The following TRPM8 variants were observed in gnomAD, a reference collection of about 807,000 sequenced individuals.
TRPM8 encodes transient receptor potential cation channel subfamily M member 8.
Under a neutral mutation model 133.7 loss-of-function variants are expected in TRPM8, and 110 were observed. The ratio of observed to expected loss-of-function variants is 0.82; its 90% CI spans 0.70 to 0.96. The LOEUF is 0.96. Among genes scored for constraint, TRPM8 ranks in the 40% least tolerant of loss-of-function variants. The probability of loss-of-function intolerance (pLI) is 0.00; values close to 1 mark genes in which losing one functional copy is unlikely to be tolerated. For missense variants in TRPM8, 1,291 were observed against 1,379.5 expected, an observed-to-expected ratio of 0.94 and a Z score of 1.02; for synonymous variants, 535 against 532.3, an observed-to-expected ratio of 1.01 and a Z score of -0.07.
At chr2:234,001,756 T>C (rs1692569588) in intron 22 of TRPM8, among the ~76,000 whole-genome samples, 1 of 152,182 alleles carries the variant, frequency 6.6e-6, no homozygotes. Context: ...GCTGCAGCCA[T>C]GAACAAAGGC....
intron 3 of TRPM8, among the ~76,000 whole-genome samples, chr2:233,936,891 CTTTTTTTTTTTT>C (rs5839499): frequency 0.13 from 12,839 of 101,662 alleles, 845 homozygotes; most frequent in Admixed American, 0.27. Flanking sequence ...TCTTTCTTTC[CTTTTTTTTTTTT>C]TTTTTTTTTT....
rs761773562 is a variant in TRPM8, at chr2:234,014,636, A to T, written c.*24A>T. 1.9e-5 allele frequency: 26 copies of T among 1,377,124 alleles called. No individual in the cohort carries two copies. In the East Asian group the frequency reaches 6.2e-4, roughly 33 times the overall value. 85.3% of individuals were successfully genotyped at this position (1,377,124 alleles called of 1,614,324 possible). A position where few individuals can be genotyped will look rare whatever the true frequency, so the allele number is the denominator to read the frequency against. ...AAAACTGTATGAACTCTAATGGAGA[A>T]AAATCTAATTATAGCAAGGTGAGTC... On this transcript the variant is annotated 3_prime_UTR_variant, in exon 25 of 26. Coordinates refer to ENST00000324695, the MANE Select transcript of TRPM8 (RefSeq NM_024080.5).
rs763038375 is a variant in TRPM8 at position 233,985,664 on chromosome 2, G to A, written c.2762-24G>A. ...CACCCCTCCAGAGGGTCCTCACTTT[G>A]CCTGTTGGTTTCTACATCCTCAGGT... On this transcript the variant is annotated intron_variant, in intron 20 of 25. Transcript: ENST00000324695. 6.8e-6 allele frequency: 11 copies of A among 1,609,496 alleles called. No homozygotes were observed. In the South Asian group the frequency reaches 1.1e-4, roughly 16 times the overall value.
intron 22 of TRPM8, among the ~76,000 whole-genome samples, chr2:233,998,518 C>T (rs546433851): frequency 6.6e-5 from 10 of 151,924 alleles, no homozygotes; most frequent in African/African-American, 9.7e-5. Flanking sequence ...CAGCAGCCTG[C>T]GCCCAACCAG....
chr2:234,015,231 T>G (rs1479601894), intron 25 of TRPM8, among the ~76,000 whole-genome samples: 1 of 152,198 alleles, frequency 6.6e-6, no homozygotes, highest in Non-Finnish European at 1.5e-5. Context: ...TGCTCCATGG[T>G]CTTACTGTTT....
chr2:233,945,540 G>A (rs927106211), intron 6 of TRPM8, among the ~76,000 whole-genome samples: 1 of 152,096 alleles, frequency 6.6e-6, no homozygotes, highest in Non-Finnish European at 1.5e-5. Context: ...TGCTGAATTT[G>A]AATTTCGTTG....
intron 24 of TRPM8, chr2:234,013,829 G>T (rs10490019): frequency 6.6e-6 from 1 of 151,964 alleles, no homozygotes; most frequent in Non-Finnish European, 1.5e-5. Flanking sequence ...TTAGGAAGCC[G>T]TTAGCACTTA....
chr2:233,965,487 A>G (rs556330232), intron 14 of TRPM8, among the ~76,000 whole-genome samples: 2 of 152,304 alleles, frequency 1.3e-5, no homozygotes, highest in East Asian at 1.9e-4. Context: ...ATCATTCAGG[A>G]AGGTGAGAAA....
chr2:233,947,420 A>T (rs772355037), intron 8 of TRPM8: 5 of 1,467,734 alleles, frequency 3.4e-6, no homozygotes, highest in South Asian at 1.2e-5. Flanking sequence ...AAGAGTTGAC[A>T]TTAATTCGGG....
chr2:233,985,912 C>T, intron 21 of TRPM8, 47 bp downstream of exon 21: 3 of 1,549,728 alleles, frequency 1.9e-6, no homozygotes, highest in Non-Finnish European at 2.6e-6. Context: ...TGGGCCAAGC[C>T]CCATGCCAGG....
At chr2:233,954,235 T>C (rs2125144134) in intron 10 of TRPM8, among the ~76,000 whole-genome samples, 1 of 152,336 alleles carries the variant, frequency 6.6e-6, no homozygotes, top group Non-Finnish European at 1.5e-5. Context: ...TTTATGTCAT[T>C]AAAATACTGG....
rs1470907383 is a variant in TRPM8, at chr2:233,981,780, C to T, written c.2454C>T (p.His818=). The T allele has an allele frequency of 1.2e-6, 2 of 1,608,474 alleles. No homozygotes were observed. The highest frequency in any genetic ancestry group is 1.3e-5 in the African/African-American group (1 of 74,708). Reference sequence around the variant, plus strand: ...TTCCTTCTTTTCCCCCTAGGCTCCACTCTTCTAATAAAAGCTCTTTGTATT... The same window carrying T: ...TTCCTTCTTTTCCCCCTAGGCTCCATTCTTCTAATAAAAGCTCTTTGTATT... ...YFIAGIVFRL[H]SSNKSSLYSG... The change falls in exon 19 of 26, where the codon CAC becomes CAT. Residue 818 remains histidine, a synonymous_variant. Transcript: ENST00000324695.
intron 17 of TRPM8, among the ~76,000 whole-genome samples, chr2:233,974,948 G>A (rs537815320): frequency 6.6e-6 from 1 of 152,218 alleles, no homozygotes; most frequent in East Asian, 1.9e-4. Context: ...AAACCATCTG[G>A]AATTGCAAAT....
chr2:233,919,660 G>T (rs1691370543), intron 1 of TRPM8, among the ~76,000 whole-genome samples: 1 of 151,692 alleles, frequency 6.6e-6, no homozygotes, highest in Non-Finnish European at 1.5e-5. Context: ...GATCCATCTT[G>T]CCATGTGTTA....
intron 21 of TRPM8, among the ~76,000 whole-genome samples, chr2:233,992,505 G>A (rs1385556865): frequency 3.9e-5 from 6 of 152,032 alleles, no homozygotes; most frequent in African/African-American, 1.4e-4. Flanking sequence ...AATTCTAAAC[G>A]TCTGTTCCCT....
chr2:234,012,790 C>T (rs1434778073), intron 24 of TRPM8, among the ~76,000 whole-genome samples: 1 of 151,604 alleles, frequency 6.6e-6, no homozygotes, highest in Non-Finnish European at 1.5e-5. Context: ...CCTTCTATAT[C>T]GATTTTGTTG....
rs1559516459 is a variant in TRPM8, at chr2:233,927,850, TCC to T, written c.117+1197_117+1198del. Among the ~76,000 whole-genome samples the T allele has an allele frequency of 8.4e-3, 509 of 60,942 alleles. 73 individuals are homozygous for T. The highest frequency in any genetic ancestry group is 0.027 in the Middle Eastern group (4 of 150). 40.0% of individuals were successfully genotyped at this position (60,942 alleles called of 152,430 possible). On this transcript the variant is annotated intron_variant, in intron 2 of 25. Coordinates refer to ENST00000324695, the MANE Select transcript of TRPM8 (RefSeq NM_024080.5). ...TTCCTTCCTTCCTTCCTTCCTTCCT[TCC>T]TTTCTTTCTCTTTCTTTCTTTCTTT...
intron 3 of TRPM8, 40 bp from the exon 4 acceptor site, chr2:233,937,313 T>C: frequency 6.2e-7 from 1 of 1,608,502 alleles, no homozygotes; most frequent in Non-Finnish European, 8.5e-7. Context: ...GCAGGCTCAA[T>C]GAAATCCTTC....
chr2:233,992,139 C>T (rs948980813), intron 21 of TRPM8, among the ~76,000 whole-genome samples: 2 of 152,058 alleles, frequency 1.3e-5, no homozygotes, highest in African/African-American at 2.4e-5. Context: ...TCAGTGACTA[C>T]GTTTTGGTAC....
Sources: gnomAD v4.1 joint callset for allele counts (sites outside exome capture counted in the v4.1 genomes callset) on GRCh38, gnomAD v4.1.1 for gene constraint, MANE v1.5 for transcripts, NCBI Gene and HGNC (gene_info 2026-07-23, HGNC 2026-07-21) for gene names.